Variants in CBLB observed in about 807,000 individuals in gnomAD.
The protein encoded by CBLB is Cbl proto-oncogene B.
In CBLB, 31 loss-of-function variants were observed where a neutral mutation model predicts 104.9. The ratio of observed to expected loss-of-function variants is 0.30; its 90% CI spans 0.22 to 0.40. The LOEUF (loss-of-function observed/expected upper bound fraction) is 0.40. CBLB is among the 10% of genes least tolerant of loss of function. The probability of loss-of-function intolerance (pLI) is 1.00; values close to 1 mark genes in which losing one functional copy is unlikely to be tolerated. For missense variants in CBLB, 1,062 were observed against 1,214.6 expected (o/e 0.87, Z 1.87); for synonymous variants, 440 against 422.6 (o/e 1.04, Z -0.51).
At position 105,765,426 on chromosome 3, in the gene CBLB, A is replaced by G. The variant is rs1477706820; in HGVS notation, c.566+10970T>C. Among the ~76,000 whole-genome samples the G allele has an allele frequency of 2.6e-5, 4 of 152,326 alleles. No homozygotes were observed. The East Asian group carries it at 7.7e-4, about 29-fold the overall frequency. ...AAAGATGTTTGGCCATCTGTAAATT[A>G]GGAAGTGGGTCCTTACCAGACAATT... On this transcript the variant is annotated intron_variant, in intron 4 of 18. Transcript: ENST00000394030.
chr3:105,753,875 CTAATGTACCCCTTCA>C (rs1481894876), intron 4 of CBLB, among the ~76,000 whole-genome samples: 1 of 152,072 alleles, frequency 6.6e-6, no homozygotes, highest in Non-Finnish European at 1.5e-5. Context: ...AAATTTTAGT[CTAATGTACCCCTTCA>C]TAATAACAAT....
chr3:105,764,765 T>C (rs1250913806), intron 4 of CBLB, among the ~76,000 whole-genome samples: 2 of 152,144 alleles, frequency 1.3e-5, no homozygotes, highest in African/African-American at 4.8e-5. Flanking sequence ...AAGTTGTGAA[T>C]GGAAAGGAGA....
intron 14 of CBLB, among the ~76,000 whole-genome samples, chr3:105,684,238 T>C (rs1295860603): frequency 1.3e-5 from 2 of 152,188 alleles, no homozygotes; most frequent in Non-Finnish European, 2.9e-5. Flanking sequence ...GTGCCAAGCA[T>C]GGCCCCAGGA....
chr3:105,822,114 CT>C (rs1207732664), intron 3 of CBLB, among the ~76,000 whole-genome samples: 2 of 151,960 alleles, frequency 1.3e-5, no homozygotes, highest in Admixed American at 1.3e-4. Flanking sequence ...TTATCATTAT[CT>C]TTTATTCATC....
At chr3:105,710,524 G>A (rs2070914716) in intron 10 of CBLB, among the ~76,000 whole-genome samples, 1 of 151,764 alleles carries the variant, frequency 6.6e-6, no homozygotes, top group South Asian at 2.1e-4. Flanking sequence ...GATTTTAGGT[G>A]ATTCTCACAT....
intron 5 of CBLB, among the ~76,000 whole-genome samples, chr3:105,749,404 T>C (rs1371691343): frequency 6.6e-6 from 1 of 152,198 alleles, no homozygotes; most frequent in Non-Finnish European, 1.5e-5. Context: ...TGAAAGTAAA[T>C]AAGATATATA....
chr3:105,689,829 CTAA>C, intron 13 of CBLB, among the ~76,000 whole-genome samples: 1 of 151,888 alleles, frequency 6.6e-6, no homozygotes, highest in Non-Finnish European at 1.5e-5. Flanking sequence ...ATATTTATAG[CTAA>C]GTGTCAAAGA....
intron 3 of CBLB, among the ~76,000 whole-genome samples, chr3:105,788,242 G>A (rs1014985407): frequency 2.0e-5 from 3 of 151,848 alleles, no homozygotes; most frequent in African/African-American, 4.8e-5. Flanking sequence ...CAATTATCCC[G>A]CCACATAAAT....
rs765592158 is a variant in CBLB, at chr3:105,678,583, G to A, written c.2429-12C>T. The A allele has an allele frequency of 6.2e-7, 1 of 1,611,426 alleles. No homozygotes were observed. Among genetic ancestry groups the A allele is most frequent in the Non-Finnish European group, 8.5e-7 (1 of 1,178,442 alleles). ...AAAAGCATCTTCACCTGCATTTAAA[G>A]AAAGGTCGATATCAGCAGCAGAACT... On this transcript the variant is annotated splice_polypyrimidine_tract_variant and intron_variant, in intron 16 of 18. Transcript: ENST00000394030.
intron 3 of CBLB, among the ~76,000 whole-genome samples, chr3:105,829,666 CAAAAAAAAAAAAAAAAAAAAA>C (rs71627689): frequency 8.5e-5 from 4 of 47,022 alleles, no homozygotes; most frequent in Non-Finnish European, 1.2e-4. Flanking sequence ...AAGACCGTCC[CAAAAAAAAAAAAAAAAAAAAA>C]AAAAAAAAAA....
intron 3 of CBLB, among the ~76,000 whole-genome samples, chr3:105,783,193 GA>G (rs2080505573): frequency 1.3e-5 from 2 of 152,248 alleles, no homozygotes; most frequent in Middle Eastern, 3.4e-3. Flanking sequence ...TAAAGATAAA[GA>G]AAAGGTTACT....
intron 3 of CBLB, among the ~76,000 whole-genome samples, chr3:105,801,855 C>T (rs1016687373): frequency 2.0e-5 from 3 of 152,198 alleles, no homozygotes; most frequent in African/African-American, 7.2e-5. Flanking sequence ...CAAGCTCCAG[C>T]CTGTCAACAC....
At chr3:105,729,384 A>G (rs1048456259) in intron 9 of CBLB, among the ~76,000 whole-genome samples, 5 of 152,118 alleles carry the variant, frequency 3.3e-5, no homozygotes, top group Admixed American at 2.0e-4. Flanking sequence ...ATAAATAAAT[A>G]AATGGAAAAT....
intron 12 of CBLB, among the ~76,000 whole-genome samples, chr3:105,698,605 C>CAAAAAA (rs34896633): frequency 2.5e-5 from 2 of 80,816 alleles, no homozygotes; most frequent in African/African-American, 4.9e-5. Context: ...ACCATTTGAC[C>CAAAAAA]AAAAAAAAAA....
chr3:105,793,707 A>G (rs1326237351), intron 3 of CBLB, among the ~76,000 whole-genome samples: 2 of 152,194 alleles, frequency 1.3e-5, no homozygotes, highest in Non-Finnish European at 2.9e-5. Flanking sequence ...TTCCAGTTCC[A>G]CGTCACAAAT....
intron 3 of CBLB, among the ~76,000 whole-genome samples, chr3:105,778,387 CAAT>C (rs2079739695): frequency 6.6e-6 from 1 of 151,820 alleles, no homozygotes; most frequent in Admixed American, 6.6e-5. Context: ...ATGCACCTGA[CAAT>C]AAAATCATTG....
chr3:105,711,532 T>C (rs139146440), intron 10 of CBLB, among the ~76,000 whole-genome samples: 68 of 149,614 alleles, frequency 4.5e-4, no homozygotes, highest in African/African-American at 1.5e-3. Context: ...TATGGCATTA[T>C]AGCTTAAGTA....
intron 10 of CBLB, among the ~76,000 whole-genome samples, chr3:105,704,937 T>G (rs1407726510): frequency 6.6e-6 from 1 of 152,210 alleles, no homozygotes; most frequent in Non-Finnish European, 1.5e-5. Flanking sequence ...TGTGTCTATG[T>G]GTTTTAATGC....
chr3:105,685,588 G>T (rs1017212319), intron 13 of CBLB, 122 bp from the exon 14 acceptor site: 12 of 786,092 alleles, frequency 1.5e-5, no homozygotes, highest in Non-Finnish European at 2.4e-5. Flanking sequence ...CAATTACAGG[G>T]TATCATCAGA....
Sources: gnomAD v4.1 joint callset for allele counts (sites outside exome capture counted in the v4.1 genomes callset) on GRCh38, gnomAD v4.1.1 for gene constraint, MANE v1.5 for transcripts, NCBI Gene and HGNC (gene_info 2026-07-23, HGNC 2026-07-21) for gene names.